The following TRIM2 variants were observed in gnomAD, a reference collection of about 807,000 sequenced individuals.
TRIM2 encodes the protein tripartite motif-containing protein 2.
Under a neutral mutation model 75.2 loss-of-function variants are expected in TRIM2, and 20 were observed. The observed-to-expected ratio is 0.27, with a 90% CI of 0.19 to 0.39. The LOEUF is 0.39. Among genes scored for constraint, TRIM2 ranks in the 10% least tolerant of loss-of-function variants. The pLI, the probability that TRIM2 is intolerant of heterozygous loss-of-function variation, is 1.00. For missense variants in TRIM2, 660 were observed against 990.8 expected (o/e 0.67, Z 4.48); for synonymous variants, 373 against 388.3 (o/e 0.96, Z 0.46).
chr4:153,319,496 C>T lies in TRIM2; in HGVS notation c.1783-3152C>T, dbSNP rs546489705. Among the ~76,000 whole-genome samples the T allele has an allele frequency of 5.3e-5, 8 of 152,142 alleles. No individual in the cohort carries two copies. In the South Asian group the frequency reaches 1.5e-3, roughly 28 times the overall value. ...GTAATCCCAGCACCTTGGGAGGCCGCAGCGGGCAAATCACCTGAGGTCAGG... is the reference window on the plus strand; with the variant it reads ...GTAATCCCAGCACCTTGGGAGGCCGTAGCGGGCAAATCACCTGAGGTCAGG... On this transcript the variant is annotated intron_variant, in intron 8 of 11. Transcript: ENST00000338700.
At position 153,276,075 on chromosome 4, in the gene TRIM2, C is replaced by T; in HGVS notation, c.398C>T (p.Thr133Ile). 6.2e-7 allele frequency: 1 copy of T among 1,614,240 alleles called. No homozygotes were observed. Among genetic ancestry groups the T allele is most frequent in the Non-Finnish European group, 8.5e-7 (1 of 1,180,054 alleles). Reference protein sequence around the residue: ...SNAEESSILETVTAVAAGKPL... With the variant: ...SNAEESSILEIVTAVAAGKPL... ...GCTGAGGAGTCTTCCATCCTGGAGACAGTCACTGCTGTGGCTGCGGGAAAG... is the reference window on the plus strand; with the variant it reads ...GCTGAGGAGTCTTCCATCCTGGAGATAGTCACTGCTGTGGCTGCGGGAAAG... Residue 133 changes from threonine to isoleucine, a missense_variant, in exon 3 of 12, where the codon ACA becomes ATA. Physicochemically the swap from Thr to Ile is moderately conservative, Grantham distance 89. Coordinates refer to ENST00000338700, the MANE Select transcript of TRIM2 (RefSeq NM_015271.5).
Position 153,338,104 on chromosome 4 carries a change from C to T in TRIM2, c.*3138C>T. On this transcript the variant is annotated 3_prime_UTR_variant, in exon 12 of 12. Transcript: ENST00000338700. Reference sequence around the variant, plus strand: ...ACTAGATTTGAAGCAAATAAATACTCCAGATCCATGCAGCTAGAACACACT... The same window carrying T: ...ACTAGATTTGAAGCAAATAAATACTTCAGATCCATGCAGCTAGAACACACT... 2.0e-6 allele frequency: 2 copies of T among 985,768 alleles called. No individual in the cohort carries two copies. The highest frequency in any genetic ancestry group is 3.5e-5 in the African/African-American group (2 of 57,328). 61.1% of individuals were successfully genotyped at this position (985,768 alleles called of 1,614,324 possible). A position where few individuals can be genotyped will look rare whatever the true frequency, so the allele number is the denominator to read the frequency against.
At position 153,154,286 on chromosome 4, in the gene TRIM2, G is replaced by A. The variant is rs186904682; in HGVS notation, c.-49+1016G>A. 2.2e-3 allele frequency among the ~76,000 whole-genome samples: 333 copies of A among 152,272 alleles called. 1 individual carries two copies. Among genetic ancestry groups the A allele is most frequent in the Middle Eastern group, 0.014 (4 of 294 alleles). ...AAGTCTAACTACTGCAGTCTCTGAG[G>A]CTCAGGTTTCTTGATGTGGTGTCTG... On this transcript the variant is annotated intron_variant, in intron 1 of 11. Transcript: ENST00000437508.
chr4:153,302,439 T>C (rs1263670817), intron 6 of TRIM2, among the ~76,000 whole-genome samples: 1 of 152,194 alleles, frequency 6.6e-6, no homozygotes. Flanking sequence ...GATAGATGTA[T>C]GAGCAACTAA....
chr4:153,265,809 T>C (rs1454021119), intron 1 of TRIM2: 1 of 152,208 alleles, frequency 6.6e-6, no homozygotes, highest in Non-Finnish European at 1.5e-5. Context: ...TAAACTTACG[T>C]CATCAATTTA....
chr4:153,248,530 T>C lies in TRIM2; in HGVS notation c.31-21805T>C, dbSNP rs537205335. Among the ~76,000 whole-genome samples the C allele has an allele frequency of 6.6e-6, 1 of 152,302 alleles. No individual in the cohort carries two copies. Among genetic ancestry groups the C allele is most frequent in the Admixed American group, 6.5e-5 (1 of 15,298 alleles). On this transcript the variant is annotated intron_variant, in intron 1 of 11. Transcript: ENST00000338700. The surrounding 1 kb of genome is among the most constrained non-coding windows in gnomAD (Gnocchi z 4.0). ...CCTGAGACTTACTGTGTGTTAGGCATGGGGCTGACAGTGACACACTGGATC... is the reference window on the plus strand; with the variant it reads ...CCTGAGACTTACTGTGTGTTAGGCACGGGGCTGACAGTGACACACTGGATC...
chr4:153,173,386 A>G (rs1261672862), intron 1 of TRIM2, among the ~76,000 whole-genome samples: 1 of 151,900 alleles, frequency 6.6e-6, no homozygotes, highest in Non-Finnish European at 1.5e-5. Flanking sequence ...AAAATAGACC[A>G]GACACAGTGG....
Position 153,336,485 on chromosome 4 carries a change from A to G in TRIM2, c.*1519A>G, listed in dbSNP as rs1349447856. ...TTAAGAACAATTTAGTCAATCGTTCATCTGTCATTGGTACTGTAAAATAAG... is the reference window on the plus strand; with the variant it reads ...TTAAGAACAATTTAGTCAATCGTTCGTCTGTCATTGGTACTGTAAAATAAG... On this transcript the variant is annotated 3_prime_UTR_variant, in exon 12 of 12. Transcript: ENST00000338700. The G allele has an allele frequency of 4.1e-6, 4 of 985,734 alleles. No homozygotes were observed. Among genetic ancestry groups the G allele is most frequent in the Non-Finnish European group, 3.6e-6 (3 of 829,938 alleles). The allele number at this position is 985,734 out of a possible 1,614,324, so 61.1% of individuals were successfully genotyped here. A position where few individuals can be genotyped will look rare whatever the true frequency, so the allele number is the denominator to read the frequency against.
At chr4:153,260,965 T>A (rs563720100) in intron 1 of TRIM2, among the ~76,000 whole-genome samples, 118 of 152,286 alleles carry the variant, frequency 7.7e-4, no homozygotes, top group African/African-American at 2.7e-3. Flanking sequence ...AGAATACCCT[T>A]TTCATCATGT....
chr4:153,240,769 T>G (rs1196529665), intron 1 of TRIM2, among the ~76,000 whole-genome samples: 1 of 152,210 alleles, frequency 6.6e-6, no homozygotes, highest in African/African-American at 2.4e-5. Flanking sequence ...GAGAATATTT[T>G]CAGTAAGTAT....
intron 6 of TRIM2, chr4:153,308,638 A>G (rs561434849): frequency 5.0e-6 from 3 of 605,508 alleles, no homozygotes; most frequent in Admixed American, 1.9e-5. Context: ...GGCCATTTCA[A>G]TGTTCAAAGC....
At chr4:153,163,493 A>ATATTT (rs1390228832) in intron 1 of TRIM2, among the ~76,000 whole-genome samples, 8 of 80,874 alleles carry the variant, frequency 9.9e-5, no homozygotes, top group South Asian at 4.6e-4. Context: ...CTAGATTTAC[A>ATATTT]TCTTTTTTTT....
intron 1 of TRIM2, among the ~76,000 whole-genome samples, chr4:153,235,052 C>T (rs977004914): frequency 3.9e-5 from 6 of 152,174 alleles, no homozygotes; most frequent in Non-Finnish European, 8.8e-5. Flanking sequence ...ACACATATGT[C>T]TTCAGGTTTC....
chr4:153,167,301 A>G (rs58403775), intron 1 of TRIM2, among the ~76,000 whole-genome samples: 12,930 of 152,296 alleles, frequency 0.085, 1,658 homozygotes, highest in African/African-American at 0.28. Context: ...AATTGCACAC[A>G]TGATCTTGCC....
Position 153,270,463 on chromosome 4 carries a change from C to G in TRIM2, c.159C>G (p.Cys53Trp). Residue 53 changes from cysteine to tryptophan, a missense_variant, in exon 2 of 12, where the codon TGC (cysteine) becomes TGG (tryptophan). Physicochemically the swap from Cys to Trp is radical, Grantham distance 215. Transcript: ENST00000338700. ...AGCAGTTTCTGATTTGCAGTATATG[C>G]CTGGAACGGTACAAGAATCCCAAGG... is the stretch of plus-strand genomic sequence containing the variant. ...IDKQFLICSI[C>W]LERYKNPKVL... The G allele has an allele frequency of 1.9e-6, 3 of 1,613,764 alleles. No homozygotes were observed. Among genetic ancestry groups the G allele is most frequent in the Non-Finnish European group, 2.5e-6 (3 of 1,179,892 alleles).
intron 3 of TRIM2, among the ~76,000 whole-genome samples, chr4:153,289,484 A>T (rs1761383536): frequency 1.3e-5 from 2 of 152,210 alleles, no homozygotes; most frequent in African/African-American, 2.4e-5. Flanking sequence ...AAAAAGAAGG[A>T]TAATAATAGT....
intron 10 of TRIM2, among the ~76,000 whole-genome samples, chr4:153,328,236 ATACT>A (rs1419504519): frequency 1.3e-5 from 2 of 152,230 alleles, no homozygotes; most frequent in African/African-American, 4.8e-5. Context: ...CTTCTTACTC[ATACT>A]TACTTGTACA....
intron 3 of TRIM2, among the ~76,000 whole-genome samples, chr4:153,289,738 A>C (rs1458352398): frequency 6.6e-6 from 1 of 152,236 alleles, no homozygotes; most frequent in Non-Finnish European, 1.5e-5. Flanking sequence ...CCATTGATCT[A>C]GACCCATTCT....
At chr4:153,246,865 C>T (rs569964908) in intron 1 of TRIM2, among the ~76,000 whole-genome samples, 3 of 152,316 alleles carry the variant, frequency 2.0e-5, no homozygotes, top group Admixed American at 1.3e-4. Context: ...TTCTTCCGCC[C>T]TTGCTCTTCC....
Sources: gnomAD v4.1 joint callset for allele counts (sites outside exome capture counted in the v4.1 genomes callset) on GRCh38, gnomAD v4.1.1 for gene constraint, Gnocchi (gnomAD v3.1) non-coding constraint, MANE v1.5 for transcripts, NCBI Gene and HGNC (gene_info 2026-07-23, HGNC 2026-07-21) for gene names.